The following ABHD17B variants were observed in gnomAD, a reference collection of about 807,000 sequenced individuals.
The protein encoded by ABHD17B is alpha/beta hydrolase domain-containing protein 17B.
A neutral mutation model predicts 26.2 loss-of-function variants in ABHD17B; 9 were observed. The ratio of observed to expected loss-of-function variants is 0.34; its 90% CI spans 0.21 to 0.60. ABHD17B has a LOEUF of 0.60. ABHD17B is among the 20% of genes least tolerant of loss of function. ABHD17B has a pLI of 0.80. For synonymous variants in ABHD17B, 127 were observed against 122.3 expected, an observed-to-expected ratio of 1.04 and a Z score of -0.25; for missense variants, 224 against 352.1, an observed-to-expected ratio of 0.64 and a Z score of 2.91.
chr9:71,911,051 G>T lies in ABHD17B; in HGVS notation c.-421C>A. On this transcript the variant is annotated 5_prime_UTR_variant, in exon 1 of 4. It adds an upstream start codon to the 5' untranslated region. Transcript: ENST00000333421. The stretch of plus-strand genomic sequence containing the variant: ...TGCAGACGCCACCCAGACCTAGCCA[G>T]GTCTTCCTTCTCTTTAATCCTGCTT... 1 of 153,508 alleles carries T rather than the reference G, an allele frequency of 6.5e-6. No homozygotes were observed. The highest frequency in any genetic ancestry group is 1.8e-4 in the South Asian group (1 of 5,542). The allele number at this position is 153,508 out of a possible 1,614,324, so 9.5% of individuals were successfully genotyped here.
At chr9:71,879,376 T>TTTTG (rs1826374523) in intron 1 of ABHD17B, among the ~76,000 whole-genome samples, 2 of 152,236 alleles carry the variant, frequency 1.3e-5, no homozygotes, top group Non-Finnish European at 2.9e-5. Context: ...GAGAGACTAC[T>TTTTG]TAAGAGGTAA....
At chr9:71,899,574 C>T (rs1257581726) in intron 1 of ABHD17B, among the ~76,000 whole-genome samples, 1 of 152,170 alleles carries the variant, frequency 6.6e-6, no homozygotes, top group African/African-American at 2.4e-5. Context: ...TCTTTGACAA[C>T]ATTACTTGGA....
At chr9:71,862,958 T>C (rs761128780), downstream of ABHD17B, among the ~76,000 whole-genome samples, 2 of 151,946 alleles carry the variant, frequency 1.3e-5, no homozygotes, top group African/African-American at 4.8e-5. Context: ...TTTTCACTTA[T>C]GAAGCTCTCT....
At chr9:71,901,490 T>C (rs1827140452) in intron 1 of ABHD17B, among the ~76,000 whole-genome samples, 1 of 152,222 alleles carries the variant, frequency 6.6e-6, no homozygotes, top group Admixed American at 6.5e-5. Flanking sequence ...GTTTCTCTGA[T>C]GGTTTCTTCA....
At chr9:71,862,867 G>A (rs1825864701), downstream of ABHD17B, among the ~76,000 whole-genome samples, 1 of 151,894 alleles carries the variant, frequency 6.6e-6, no homozygotes. Flanking sequence ...TTCTAGTCTT[G>A]GACTCGAGTG....
chr9:71,906,819 C>CAA (rs71353541), intron 1 of ABHD17B, among the ~76,000 whole-genome samples: 6,213 of 147,884 alleles, frequency 0.042, 316 homozygotes, highest in African/African-American at 0.12. Context: ...AACAAACAAA[C>CAA]AAAAAAAAAA....
At chr9:71,893,170 C>A (rs2132183601) in intron 1 of ABHD17B, among the ~76,000 whole-genome samples, 1 of 152,342 alleles carries the variant, frequency 6.6e-6, no homozygotes, top group East Asian at 1.9e-4. Context: ...CACCAGAATA[C>A]TTCTGTGACC....
At chr9:71,882,737 A>T (rs1007874019) in intron 1 of ABHD17B, among the ~76,000 whole-genome samples, 1 of 152,004 alleles carries the variant, frequency 6.6e-6, no homozygotes, top group Non-Finnish European at 1.5e-5. Context: ...GGAGAACAGG[A>T]GGGATGGAGA....
At chr9:71,872,565 T>C (rs1012223378) in intron 2 of ABHD17B, among the ~76,000 whole-genome samples, 5 of 152,204 alleles carry the variant, frequency 3.3e-5, no homozygotes, top group African/African-American at 9.6e-5. Context: ...TAATGAAAGC[T>C]GGCTATCAGT....
At chr9:71,869,949 T>C in intron 3 of ABHD17B, 134 bp downstream of exon 3, 1 of 824,028 alleles carries the variant, frequency 1.2e-6, no homozygotes, top group Non-Finnish European at 1.8e-6. Context: ...TACAAATTAA[T>C]TTTTCATAAT....
intron 1 of ABHD17B, among the ~76,000 whole-genome samples, chr9:71,883,052 A>G (rs1826496263): frequency 1.3e-5 from 2 of 151,992 alleles, no homozygotes; most frequent in Admixed American, 1.3e-4. Flanking sequence ...CTGAGGCAGG[A>G]GAATCGTTTG....
chr9:71,870,331 A>T, intron 2 of ABHD17B, 69 bp from the exon 3 acceptor site: 1 of 1,375,608 alleles, frequency 7.3e-7, no homozygotes, highest in Non-Finnish European at 9.7e-7. Flanking sequence ...CCATCATTCC[A>T]AAGGATTTGA....
intron 3 of ABHD17B, 123 bp from the exon 4 acceptor site, chr9:71,867,129 A>G (rs576211447): frequency 9.6e-6 from 12 of 1,253,684 alleles, no homozygotes; most frequent in African/African-American, 1.5e-5. Context: ...AGAAGGTAAG[A>G]ATGTCTCCTG....
intron 1 of ABHD17B, among the ~76,000 whole-genome samples, chr9:71,883,393 C>A (rs144864643): frequency 6.6e-6 from 1 of 152,014 alleles, no homozygotes. Context: ...ATGAATAAAC[C>A]CCTATGTGAA....
At chr9:71,867,876 G>A (rs1826000999) in intron 3 of ABHD17B, among the ~76,000 whole-genome samples, 2 of 152,134 alleles carry the variant, frequency 1.3e-5, no homozygotes, top group African/African-American at 2.4e-5. Context: ...CAGAATGCTG[G>A]TAGTCAGGCC....
At position 71,865,798 on chromosome 9, in the gene ABHD17B, T is replaced by G. The variant is rs1041412267; in HGVS notation, c.*989A>C. On this transcript the variant is annotated 3_prime_UTR_variant, in exon 4 of 4. Transcript: ENST00000333421. Reference sequence around the variant, plus strand: ...ATCACTTGATCCCGGGAGGCAGAGGTTGCAGTGAATCAAGATCGCGCCACT... The same window carrying G: ...ATCACTTGATCCCGGGAGGCAGAGGGTGCAGTGAATCAAGATCGCGCCACT... 2.5e-6 allele frequency: 2 copies of G among 802,524 alleles called. No homozygotes were observed. Among genetic ancestry groups the G allele is most frequent in the South Asian group, 5.7e-5 (1 of 17,458 alleles). The allele number at this position is 802,524 out of a possible 1,614,324, so 49.7% of individuals were successfully genotyped here.
At chr9:71,876,907 C>T (rs180732845) in intron 1 of ABHD17B, among the ~76,000 whole-genome samples, 49 of 152,300 alleles carry the variant, frequency 3.2e-4, no homozygotes, top group Admixed American at 3.0e-3. Flanking sequence ...GCTTTAATTG[C>T]TTCCTACCTT....
chr9:71,892,768 T>C (rs1174132195), intron 1 of ABHD17B, among the ~76,000 whole-genome samples: 2 of 108,012 alleles, frequency 1.9e-5, no homozygotes, highest in African/African-American at 6.4e-5. Flanking sequence ...TTGGTCACTG[T>C]AGGGAAATAA....
At chr9:71,908,116 T>C (rs986389549) in intron 1 of ABHD17B, among the ~76,000 whole-genome samples, 6 of 152,064 alleles carry the variant, frequency 3.9e-5, no homozygotes, top group African/African-American at 1.2e-4. Context: ...CCACAAACAG[T>C]GAAGTGGCTC....
Sources: gnomAD v4.1 joint callset for allele counts (sites outside exome capture counted in the v4.1 genomes callset) on GRCh38, gnomAD v4.1.1 for gene constraint, MANE v1.5 for transcripts, NCBI Gene and HGNC (gene_info 2026-07-23, HGNC 2026-07-21) for gene names.